The following PCDHGB1 variants were observed in gnomAD, a reference collection of about 807,000 sequenced individuals.
The protein encoded by PCDHGB1 is protocadherin gamma-B1.
In PCDHGB1, 34 loss-of-function variants were observed where a neutral mutation model predicts 56.6. The ratio of observed to expected loss-of-function variants is 0.60; its 90% CI spans 0.46 to 0.80. The LOEUF is 0.80. Among genes scored for constraint, PCDHGB1 ranks in the 30% least tolerant of loss-of-function variants. PCDHGB1 has a pLI of 0.00. For missense variants in PCDHGB1, 1,278 were observed against 1,204.6 expected (o/e 1.06, Z -0.90); for synonymous variants, 561 against 505.9 (o/e 1.11, Z -1.46).
Position 141,350,994 on chromosome 5 carries a change from G to A in PCDHGB1, c.734G>A (p.Arg245Lys). The A allele has an allele frequency of 1.2e-6, 2 of 1,614,076 alleles. No individual in the cohort carries two copies. The highest frequency in any genetic ancestry group is 1.1e-5 in the South Asian group (1 of 91,088). The stretch of plus-strand genomic sequence containing the variant: ...CCCGTGTTTAGCCAGGAGGTATACA[G>A]GGTTAGCCTCCAAGAAAACGTACCG... ...NAPVFSQEVYRVSLQENVPWG... is the reference protein window; with the variant it reads ...NAPVFSQEVYKVSLQENVPWG... Residue 245 changes from arginine to lysine, a missense_variant, in exon 1 of 4, where the codon AGG becomes AAG. Transcript: ENST00000523390.
Position 141,491,737 on chromosome 5 carries a change from G to C in PCDHGB1, c.2410-3070G>C, listed in dbSNP as rs548808722. 1.2e-6 allele frequency: 2 copies of C among 1,600,586 alleles called. No homozygotes were observed. The highest frequency in any genetic ancestry group is 2.7e-5 in the African/African-American group (2 of 74,486). On this transcript the variant is annotated intron_variant, in intron 1 of 3. Transcript: ENST00000523390. The surrounding 1 kb of genome is among the most constrained non-coding windows in gnomAD (Gnocchi z 6.9). ...GGCGCCGCCCCGGGCGACCCCTGGG[G>C]GCGGCACTGGAGAAGCCGCCCGTCC...
At chr5:141,399,363 G>A (rs773376480) in intron 1 of PCDHGB1, 5 of 1,613,910 alleles carry the variant, frequency 3.1e-6, no homozygotes, top group Non-Finnish European at 3.4e-6. Flanking sequence ...AGCAAACCCC[G>A]GAGTACAATG....
intron 1 of PCDHGB1, among the ~76,000 whole-genome samples, chr5:141,401,612 C>A (rs1190962219): frequency 6.6e-6 from 1 of 152,146 alleles, no homozygotes; most frequent in Non-Finnish European, 1.5e-5. Context: ...AAAAAGACAC[C>A]GGATTTGTCT....
intron 1 of PCDHGB1, chr5:141,424,504 G>GT (rs892941709): frequency 6.6e-6 from 1 of 152,016 alleles, no homozygotes; most frequent in African/African-American, 2.4e-5. Context: ...TGTATGGAAG[G>GT]TTTTTTAATG....
intron 1 of PCDHGB1, chr5:141,370,749 G>A (rs1232741185): frequency 6.2e-7 from 1 of 1,613,930 alleles, no homozygotes; most frequent in Non-Finnish European, 8.5e-7. Flanking sequence ...CTTTTTTCAT[G>A]TAACTGTGCT....
rs2098098668 is a variant in PCDHGB1, at chr5:141,439,210, T to C, written c.2410-55597T>C. Among the ~76,000 whole-genome samples the C allele has an allele frequency of 4.0e-5, 6 of 150,296 alleles. No homozygotes were observed. The Middle Eastern group carries it at 0.014, about 343-fold the overall frequency. On this transcript the variant is annotated intron_variant, in intron 1 of 3. Transcript: ENST00000523390. The stretch of plus-strand genomic sequence containing the variant: ...TCTGACAAAAAAAAAAAAAAATCCA[T>C]ATGTGAAAATTCTTAGAAGCTTCCT...
At chr5:141,479,206 T>C (rs987807222) in intron 1 of PCDHGB1, 3 of 152,400 alleles carry the variant, frequency 2.0e-5, no homozygotes, top group African/African-American at 7.2e-5. Context: ...CAGAAAAGTA[T>C]TTAAAAAATT....
At chr5:141,447,023 G>GTT (rs5871773) in intron 1 of PCDHGB1, among the ~76,000 whole-genome samples, 2,010 of 151,524 alleles carry the variant, frequency 0.013, 40 homozygotes, top group African/African-American at 0.047. Context: ...GTTTTGTTTT[G>GTT]TTTTTTTTCT....
At chr5:141,473,033 G>GGAAA (rs1282468299) in intron 1 of PCDHGB1, among the ~76,000 whole-genome samples, 1 of 146,284 alleles carries the variant, frequency 6.8e-6, no homozygotes, top group African/African-American at 2.5e-5. Flanking sequence ...AAGGAAGGAA[G>GGAAA]GAAAGAAAGA....
chr5:141,470,872 TTTTTTG>T (rs900302332), intron 1 of PCDHGB1, among the ~76,000 whole-genome samples: 3 of 151,814 alleles, frequency 2.0e-5, no homozygotes, highest in African/African-American at 4.8e-5. Context: ...GTTTGTTTGT[TTTTTTG>T]TTTTTGTTTT....
intron 1 of PCDHGB1, chr5:141,362,219 C>A (rs368538544): frequency 6.2e-7 from 1 of 1,614,034 alleles, no homozygotes; most frequent in Non-Finnish European, 8.5e-7. Context: ...CTGGTTGTGG[C>A]CTTGGCCTTG....
intron 1 of PCDHGB1, chr5:141,375,368 A>C: frequency 1.2e-6 from 2 of 1,613,872 alleles, no homozygotes; most frequent in Non-Finnish European, 1.7e-6. Flanking sequence ...GGACAAAGGA[A>C]CACCACCTCT....
In PCDHGB1 at chr5:141,383,687, C is replaced by T; in HGVS notation, c.2409+31018C>T. 1.2e-6 allele frequency: 2 copies of T among 1,613,968 alleles called. No homozygotes were observed. Among genetic ancestry groups the T allele is most frequent in the Middle Eastern group, 1.6e-4 (1 of 6,062 alleles). Reference sequence around the variant, plus strand: ...GTGCCAGTGGGTACAAGACTGCTCACGGTACATGCTATCGACCTGGACGAG... The same window carrying T: ...GTGCCAGTGGGTACAAGACTGCTCATGGTACATGCTATCGACCTGGACGAG... On this transcript the variant is annotated intron_variant, in intron 1 of 3. Coordinates refer to ENST00000523390, the MANE Select transcript of PCDHGB1 (RefSeq NM_018922.3).
At position 141,403,568 on chromosome 5, in the gene PCDHGB1, ACTGCCCACCAC is replaced by A. The variant is rs758329896; in HGVS notation, c.2409+50903_2409+50913del. On this transcript the variant is annotated intron_variant, in intron 1 of 3. Coordinates refer to ENST00000523390, the MANE Select transcript of PCDHGB1 (RefSeq NM_018922.3). The stretch of plus-strand genomic sequence containing the variant: ...GCGCGCCCTGGACAGGGAGGAGGCA[ACTGCCCACCAC>A]CTGGTCCTCACGGCCTCGGATGGCG... The A allele has an allele frequency of 2.5e-6, 4 of 1,613,918 alleles. No individual in the cohort carries two copies. In the South Asian group the frequency reaches 4.4e-5, roughly 18 times the overall value.
At chr5:141,510,296 G>A (rs999749575) in intron 3 of PCDHGB1, among the ~76,000 whole-genome samples, 6 of 149,608 alleles carry the variant, frequency 4.0e-5, no homozygotes, top group African/African-American at 1.5e-4. Flanking sequence ...AAAAAATGCT[G>A]TTTTGAAATG....
chr5:141,404,499 C>T lies in PCDHGB1; in HGVS notation c.2409+51830C>T, dbSNP rs147632103. ...AACTCAGACACTGGTGTGCTGTATG[C>T]TCTGTGCTCCTTTGACTATGAGCAG... On this transcript the variant is annotated intron_variant, in intron 1 of 3. Coordinates refer to ENST00000523390, the MANE Select transcript of PCDHGB1 (RefSeq NM_018922.3). 1.0e-4 allele frequency: 163 copies of T among 1,613,840 alleles called. 1 individual carries two copies. The East Asian group carries it at 3.6e-3, about 36-fold the overall frequency.
intron 1 of PCDHGB1, chr5:141,399,261 T>G: frequency 1.2e-6 from 2 of 1,613,918 alleles, no homozygotes; most frequent in Non-Finnish European, 1.7e-6. Context: ...ATGGGGAGGT[T>G]AATTGTCAAT....
chr5:141,453,214 A>T (rs1174586625), intron 1 of PCDHGB1, among the ~76,000 whole-genome samples: 2 of 152,058 alleles, frequency 1.3e-5, no homozygotes, highest in African/African-American at 4.8e-5. Flanking sequence ...CGTGCACTTA[A>T]GCGATCCTCC....
intron 1 of PCDHGB1, chr5:141,360,169 C>T: frequency 1.9e-6 from 3 of 1,607,588 alleles, no homozygotes; most frequent in Admixed American, 1.7e-5. Context: ...CGGGCTGGTG[C>T]GGTGGCTGCA....
Sources: allele counts gnomAD v4.1 joint callset (sites outside exome capture counted in the v4.1 genomes callset), GRCh38; gene constraint gnomAD v4.1.1; non-coding constraint Gnocchi (gnomAD v3.1); transcripts MANE v1.5; gene names NCBI Gene and HGNC (gene_info 2026-07-23, HGNC 2026-07-21).